The following TRIM8 variants were observed in gnomAD, a reference collection of about 807,000 sequenced individuals.
TRIM8 encodes tripartite motif containing 8.
In TRIM8, 9 loss-of-function variants were observed where a neutral mutation model predicts 55.7. That is an observed-to-expected ratio of 0.16 (90% CI 0.10 to 0.28). The LOEUF is 0.28. Among genes scored for constraint, TRIM8 ranks in the 10% least tolerant of loss-of-function variants. TRIM8 has a pLI of 1.00. For synonymous variants in TRIM8, 335 were observed against 333.3 expected (o/e 1.01, Z -0.06); for missense variants, 556 against 736.4 (o/e 0.76, Z 2.83).
At position 102,655,194 on chromosome 10, in the gene TRIM8, T is replaced by C; in HGVS notation, c.781T>C (p.Phe261Leu). Reference protein sequence around the residue: ...VEVLDKAQAKFCSENAAQALH... With the variant: ...VEVLDKAQAKLCSENAAQALH... The stretch of plus-strand genomic sequence containing the variant: ...GGTCCTAGACAAGGCCCAGGCCAAG[T>C]TCTGCAGCGAGAACGCAGCGCAGGC... Residue 261 changes from phenylalanine (F) to leucine (L), a missense_variant, in exon 3 of 6, where the codon TTC becomes CTC. Transcript: ENST00000643721. 6.2e-7 allele frequency: 1 copy of C among 1,608,934 alleles called. No homozygotes were observed. Among genetic ancestry groups the C allele is most frequent in the Non-Finnish European group, 8.5e-7 (1 of 1,178,510 alleles).
rs759974452 is a variant in TRIM8 at position 102,645,166 on chromosome 10, G to A, written c.549G>A (p.Glu183=). 1.3e-6 allele frequency: 2 copies of A among 1,555,176 alleles called. No homozygotes were observed. The highest frequency in any genetic ancestry group is 1.7e-6 in the Non-Finnish European group (2 of 1,157,220). Residue 183 remains glutamate, a synonymous_variant, in exon 1 of 6, where the codon GAG becomes GAA. Transcript: ENST00000643721. ...AGGGACACTCGGTGTGCGACGTGGA[G>A]ATCCGAAGGAATGAAATCCGGGCAA... is the stretch of plus-strand genomic sequence containing the variant. The part of the protein sequence containing the change: ...AHQGHSVCDV[E]IRRNEIRKML...
In TRIM8 at chr10:102,656,890, G is replaced by A. The variant is rs61758111; in HGVS notation, c.1192G>A (p.Gly398Ser). 732 of 1,580,338 alleles carry A rather than the reference G, an allele frequency of 4.6e-4. No homozygotes were observed. The highest frequency in any genetic ancestry group is 6.0e-4 in the Non-Finnish European group (697 of 1,163,798). ...AGAGACGTCGTCGGGCCCTGTGGGC[G>A]GCCAGTACGGGGCGGCGGGCACAGC... Reference protein sequence around the residue: ...FLETSSGPVGGQYGAAGTASG... With the variant: ...FLETSSGPVGSQYGAAGTASG... Residue 398 changes from glycine to serine, a missense_variant, in exon 6 of 6, where the codon GGC becomes AGC. Physicochemically the swap from Gly to Ser is moderately conservative, Grantham distance 56. Coordinates refer to ENST00000643721, the MANE Select transcript of TRIM8 (RefSeq NM_030912.3). The surrounding 1 kb of genome is among the most constrained non-coding windows in gnomAD (Gnocchi z 4.6).
chr10:102,649,572 A>G (rs951782233), intron 1 of TRIM8, among the ~76,000 whole-genome samples: 1 of 152,162 alleles, frequency 6.6e-6, no homozygotes, highest in East Asian at 1.9e-4. Flanking sequence ...AAGCCAGACA[A>G]AGGGGGGCTT....
chr10:102,644,762 C>G lies in TRIM8; in HGVS notation c.145C>G (p.Leu49Val). 6.2e-7 allele frequency: 1 copy of G among 1,613,254 alleles called. No homozygotes were observed. The change falls in exon 1 of 6, where the codon CTC (leucine) becomes GTC (valine). Residue 49 changes from leucine (L) to valine (V), a missense_variant. Physicochemically the swap from Leu to Val is conservative, Grantham distance 32 (BLOSUM62 1). Transcript: ENST00000643721. ...IGEAWAKDSG[L>V]VRCPECNQAY... ...CGAGGCGTGGGCCAAGGACAGCGGC[C>G]TCGTACGCTGCCCAGAGTGCAACCA... is the stretch of plus-strand genomic sequence containing the variant.
At chr10:102,645,366 G>A (rs568585877) in intron 1 of TRIM8, 179 bp downstream of exon 1, 1 of 645,314 alleles carries the variant, frequency 1.5e-6, no homozygotes, top group African/African-American at 1.9e-5. Context: ...AGGGCCCCGG[G>A]TCGCTACTTG....
intron 1 of TRIM8, among the ~76,000 whole-genome samples, chr10:102,652,180 G>A (rs1564720613): frequency 1.3e-5 from 2 of 152,174 alleles, no homozygotes; most frequent in Non-Finnish European, 2.9e-5. Context: ...TAAGGTGAAA[G>A]CCTCACCCCC....
At chr10:102,648,572 A>C (rs1025270899) in intron 1 of TRIM8, among the ~76,000 whole-genome samples, 1 of 152,070 alleles carries the variant, frequency 6.6e-6, no homozygotes, top group Non-Finnish European at 1.5e-5. Context: ...TATCCTGTGC[A>C]CATTGCCGGT....
chr10:102,647,232 G>T (rs1564718751), intron 1 of TRIM8, among the ~76,000 whole-genome samples: 1 of 151,002 alleles, frequency 6.6e-6, no homozygotes, highest in Non-Finnish European at 1.5e-5. Context: ...GTGTGTGTGT[G>T]CGTGTGTGCG....
At chr10:102,650,401 C>T (rs1006518114) in intron 1 of TRIM8, among the ~76,000 whole-genome samples, 2 of 152,054 alleles carry the variant, frequency 1.3e-5, no homozygotes, top group Non-Finnish European at 2.9e-5. Flanking sequence ...GTGGGAATGG[C>T]GGCTCCTGAT....
chr10:102,657,268 T>G lies in TRIM8; in HGVS notation c.1570T>G (p.Trp524Gly). The change falls in exon 6 of 6, where the codon TGG becomes GGG. Residue 524 changes from tryptophan to glycine, a missense_variant. By Grantham distance (184) the Trp-to-Gly change is radical (BLOSUM62 -2). This residue lies in a region of TRIM8 where 391 missense variants were observed against 441.0 expected (regional missense o/e 0.89). Coordinates refer to ENST00000643721, the MANE Select transcript of TRIM8 (RefSeq NM_030912.3). ...CCTTCCCAGCCTGGCGGTCAGAGAC[T>G]GGCTTGACGCCTCCCAGCAGCCCGG... ...QSLPSLAVRDWLDASQQPGHQ... is the reference protein window; with the variant it reads ...QSLPSLAVRDGLDASQQPGHQ... The G allele has an allele frequency of 6.2e-7, 1 of 1,613,914 alleles. No homozygotes were observed. Among genetic ancestry groups the G allele is most frequent in the Non-Finnish European group, 8.5e-7 (1 of 1,179,922 alleles).
In TRIM8 at chr10:102,644,888, C is replaced by G; in HGVS notation, c.271C>G (p.His91Asp). 6.2e-7 allele frequency: 1 copy of G among 1,611,014 alleles called. No individual in the cohort carries two copies. The highest frequency in any genetic ancestry group is 8.5e-7 in the Non-Finnish European group (1 of 1,179,078). Residue 91 changes from histidine (H) to aspartate (D), a missense_variant, in exon 1 of 6, where the codon CAC becomes GAC. Physicochemically the swap from His to Asp is moderately conservative, Grantham distance 81 (BLOSUM62 -1). Coordinates refer to ENST00000643721, the MANE Select transcript of TRIM8 (RefSeq NM_030912.3). ...LHVEKPPAALHCVFCRRGPPL... is the reference protein window; with the variant it reads ...LHVEKPPAALDCVFCRRGPPL... Reference sequence around the variant, plus strand: ...CGTGGAGAAGCCGCCGGCGGCGCTGCACTGCGTGTTCTGCCGCCGCGGCCC... The same window carrying G: ...CGTGGAGAAGCCGCCGGCGGCGCTGGACTGCGTGTTCTGCCGCCGCGGCCC...
chr10:102,648,889 C>A (rs895554502), intron 1 of TRIM8, among the ~76,000 whole-genome samples: 2 of 152,148 alleles, frequency 1.3e-5, no homozygotes, highest in South Asian at 4.1e-4. Context: ...CTCCGTTGCC[C>A]GTGAAAGGGA....
chr10:102,650,284 T>C (rs1032524751), intron 1 of TRIM8, among the ~76,000 whole-genome samples: 5 of 152,198 alleles, frequency 3.3e-5, no homozygotes, highest in African/African-American at 1.2e-4. Context: ...GACATGAGGC[T>C]TTCCTGGGGC....
chr10:102,649,985 G>T (rs1389009589), intron 1 of TRIM8, among the ~76,000 whole-genome samples: 1 of 152,054 alleles, frequency 6.6e-6, no homozygotes, highest in Non-Finnish European at 1.5e-5. Flanking sequence ...GGCCGGGCAG[G>T]GACCTAAGCA....
rs1249746621 is a variant in TRIM8 at position 102,644,972 on chromosome 10, G to C, written c.355G>C (p.Val119Leu). ...CGAGGCGCCCTGCTGCCAGTCCCAC[G>C]TGCAGACGCACCTGCAGCAGCCCTC... is the stretch of plus-strand genomic sequence containing the variant. The part of the protein sequence containing the change: ...RCEAPCCQSH[V>L]QTHLQQPSTA... Residue 119 changes from valine (V) to leucine (L), a missense_variant, in exon 1 of 6, where the codon GTG (valine) becomes CTG (leucine). Val to Leu is a conservative substitution (Grantham distance 32). This residue lies in a region of TRIM8 where 165 missense variants were observed against 295.3 expected (regional missense o/e 0.56). Coordinates refer to ENST00000643721, the MANE Select transcript of TRIM8 (RefSeq NM_030912.3). 1 of 1,598,692 alleles carries C rather than the reference G, an allele frequency of 6.3e-7. No homozygotes were observed.
At chr10:102,651,350 A>G (rs1028968050) in intron 1 of TRIM8, among the ~76,000 whole-genome samples, 7 of 152,154 alleles carry the variant, frequency 4.6e-5, no homozygotes, top group Non-Finnish European at 7.4e-5. Context: ...CCACCCCCCC[A>G]GGACTGGACA....
chr10:102,651,573 G>C (rs954741390), intron 1 of TRIM8, among the ~76,000 whole-genome samples: 1 of 152,244 alleles, frequency 6.6e-6, no homozygotes, highest in Non-Finnish European at 1.5e-5. Context: ...GGTGGGTTTG[G>C]TCGTGGAGAA....
intron 3 of TRIM8, 133 bp from the exon 4 acceptor site, chr10:102,655,973 A>T: frequency 1.5e-6 from 2 of 1,326,640 alleles, no homozygotes; most frequent in Non-Finnish European, 2.2e-6. Context: ...TACCCCTGCC[A>T]CTTTCTGTCC....
rs923716189 is a variant in TRIM8, at chr10:102,656,974, G to T, written c.1276G>T (p.Val426Leu). 5.0e-6 allele frequency: 8 copies of T among 1,612,474 alleles called. No homozygotes were observed. Among genetic ancestry groups the T allele is most frequent in the Non-Finnish European group, 6.8e-6 (8 of 1,179,656 alleles). Reference protein sequence around the residue: ...LGPCSSTQHLVALPGGAQPVH... With the variant: ...LGPCSSTQHLLALPGGAQPVH... ...GCCCTGCAGCTCCACGCAGCACTTG[G>T]TGGCCCTGCCGGGCGGCGCCCAACC... The change falls in exon 6 of 6, where the codon GTG becomes TTG. Residue 426 changes from valine (V) to leucine (L), a missense_variant. Around this residue, in one of 2 missense-constraint regions of TRIM8, gnomAD observed 391 missense variants for 441.0 expected, o/e 0.89. Transcript: ENST00000643721. This position sits in a 1 kb window ranked among gnomAD's most constrained non-coding sequence, Gnocchi z 4.6.
Sources: gnomAD v4.1 joint callset for allele counts (sites outside exome capture counted in the v4.1 genomes callset) on GRCh38, gnomAD v4.1.1 for gene constraint, gnomAD v4.1.1 regional missense constraint, Gnocchi (gnomAD v3.1) non-coding constraint, MANE v1.5 for transcripts, NCBI Gene and HGNC (gene_info 2026-07-23, HGNC 2026-07-21) for gene names.